Variants in SLC35D4 observed in about 807,000 individuals in gnomAD.
The protein encoded by SLC35D4 is solute carrier family 35 member D4.
the SLC35D4 span, among the ~76,000 whole-genome samples, chr18:23,344,303 G>A: frequency 1.3e-5 from 2 of 152,172 alleles, no homozygotes; most frequent in African/African-American, 2.4e-5. Flanking sequence ...TGTGACTAGT[G>A]TTGTGATGAA....
At chr18:23,420,633 C>T in the SLC35D4 span, among the ~76,000 whole-genome samples, 3 of 152,032 alleles carry the variant, frequency 2.0e-5, no homozygotes, top group South Asian at 6.2e-4. Context: ...GCCTTGGTTT[C>T]CCAAAGTGCT....
chr18:23,424,689 G>A, the SLC35D4 span, among the ~76,000 whole-genome samples: 7 of 152,142 alleles, frequency 4.6e-5, no homozygotes, highest in East Asian at 1.9e-4. Context: ...TAAAATACCC[G>A]TAATCACAGA....
At chr18:23,408,092 T>C in the SLC35D4 span, among the ~76,000 whole-genome samples, 2 of 151,988 alleles carry the variant, frequency 1.3e-5, no homozygotes, top group Admixed American at 1.3e-4. Flanking sequence ...AGTTATTTTA[T>C]CTGTGAGTCC....
the SLC35D4 span, among the ~76,000 whole-genome samples, chr18:23,354,511 T>C: frequency 8.7e-5 from 12 of 137,894 alleles, no homozygotes; most frequent in Admixed American, 3.6e-4. Context: ...CAGAGCGAGA[T>C]TCCGTCTCAA....
chr18:23,294,162 C>T, the SLC35D4 span, among the ~76,000 whole-genome samples: 1 of 151,950 alleles, frequency 6.6e-6, no homozygotes, highest in African/African-American at 2.4e-5. Flanking sequence ...CTTGCCTCTC[C>T]TAATAGAAAG....
At chr18:23,409,601 G>A in the SLC35D4 span, among the ~76,000 whole-genome samples, 1 of 152,154 alleles carries the variant, frequency 6.6e-6, no homozygotes, top group African/African-American at 2.4e-5. Context: ...CACCACTTTG[G>A]GAGGCCAAGG....
At chr18:23,291,100 A>G in the SLC35D4 span, among the ~76,000 whole-genome samples, 1 of 152,228 alleles carries the variant, frequency 6.6e-6, no homozygotes, top group African/African-American at 2.4e-5. Flanking sequence ...GCTTTGAGCC[A>G]ATGGCTAAGG....
chr18:23,253,132 T>C, the SLC35D4 span: 2 of 887,364 alleles, frequency 2.3e-6, no homozygotes, highest in East Asian at 2.5e-5. Context: ...ACCGTAAGCT[T>C]GTCATCTGTC....
the SLC35D4 span, chr18:23,259,976 AT>A: frequency 8.1e-6 from 1 of 123,332 alleles, no homozygotes; most frequent in African/African-American, 2.8e-5. Context: ...GTTCTGCCTG[AT>A]TCCTTTTCCC....
At chr18:23,267,587 C>T in the SLC35D4 span, among the ~76,000 whole-genome samples, 3 of 152,146 alleles carry the variant, frequency 2.0e-5, no homozygotes, top group Admixed American at 6.5e-5. Context: ...CATGGCTCTC[C>T]GGCTGCCCAC....
At chr18:23,401,652 G>A in the SLC35D4 span, among the ~76,000 whole-genome samples, 1 of 152,346 alleles carries the variant, frequency 6.6e-6, no homozygotes, top group Admixed American at 6.5e-5. Context: ...CATTGAGGAG[G>A]AAGGAGGAGG....
the SLC35D4 span, among the ~76,000 whole-genome samples, chr18:23,250,993 T>C: frequency 6.6e-6 from 1 of 152,248 alleles, no homozygotes; most frequent in Admixed American, 6.5e-5. Flanking sequence ...ATGTCTGTGC[T>C]AAAATCCTGT....
the SLC35D4 span, among the ~76,000 whole-genome samples, chr18:23,324,893 TTAAAA>T: frequency 6.6e-6 from 1 of 152,134 alleles, no homozygotes; most frequent in Non-Finnish European, 1.5e-5. Flanking sequence ...AAATCATAGT[TTAAAA>T]TCCCTTTTTC....
chr18:23,321,328 A>T, the SLC35D4 span, among the ~76,000 whole-genome samples: 1 of 152,178 alleles, frequency 6.6e-6, no homozygotes, highest in Non-Finnish European at 1.5e-5. Context: ...TCTACTCTGA[A>T]GTAGGTTTCC....
the SLC35D4 span, among the ~76,000 whole-genome samples, chr18:23,341,838 A>G: frequency 1.3e-5 from 2 of 152,184 alleles, no homozygotes; most frequent in Non-Finnish European, 2.9e-5. Flanking sequence ...TTAGCATTAA[A>G]CCACAGCAGC....
chr18:23,338,904 A>G, the SLC35D4 span, among the ~76,000 whole-genome samples: 1 of 152,152 alleles, frequency 6.6e-6, no homozygotes, highest in East Asian at 1.9e-4. Flanking sequence ...CATAAGTGTA[A>G]CAAGGTCTCA....
At chr18:23,421,335 T>C in the SLC35D4 span, 1 of 1,567,286 alleles carries the variant, frequency 6.4e-7, no homozygotes, top group Non-Finnish European at 8.8e-7. Flanking sequence ...AGAGTGTGAA[T>C]CATGCATGAG....
chr18:23,312,540 G>A, the SLC35D4 span, among the ~76,000 whole-genome samples: 1 of 152,134 alleles, frequency 6.6e-6, no homozygotes, highest in Non-Finnish European at 1.5e-5. Context: ...TATTTCTGTA[G>A]AGAATGTAGA....
chr18:23,266,647 G>A, the SLC35D4 span, among the ~76,000 whole-genome samples: 3 of 152,230 alleles, frequency 2.0e-5, no homozygotes. Flanking sequence ...CCAACAAATG[G>A]ACTTCAGGTG....
Sources: gnomAD v4.1 joint callset for allele counts (sites outside exome capture counted in the v4.1 genomes callset) on GRCh38, gnomAD v4.1.1 for gene constraint, MANE v1.5 for transcripts, NCBI Gene and HGNC (gene_info 2026-07-23, HGNC 2026-07-21) for gene names.